SND1: variants seen among roughly 807,000 people sequenced by gnomAD.
SND1 encodes the protein staphylococcal nuclease domain-containing protein 1.
A neutral mutation model predicts 121.7 loss-of-function variants in SND1; 38 were observed. That is an observed-to-expected ratio of 0.31 (90% confidence interval 0.24 to 0.41). SND1 has a LOEUF of 0.41. SND1 is among the 10% of genes least tolerant of loss of function. SND1 has a pLI of 1.00. For missense variants in SND1, 868 were observed against 1,184.6 expected (o/e 0.73, Z 3.92); for synonymous variants, 401 against 447.4 (o/e 0.90, Z 1.31).
rs536802846 is a variant in SND1, at chr7:127,732,992, T to C, written c.1152+11592T>C. ...GAGACTGTAAGATTTACTTCCTTGA[T>C]GCCTATGGAAGGAATCAGGCTTTAG... On this transcript the variant is annotated intron_variant, in intron 10 of 23. Coordinates refer to ENST00000354725, the MANE Select transcript of SND1 (RefSeq NM_014390.4). 6.3e-4 allele frequency among the ~76,000 whole-genome samples: 96 copies of C among 152,334 alleles called. 1 individual carries two copies. Among genetic ancestry groups the C allele is most frequent in the African/African-American group, 2.2e-3 (90 of 41,580 alleles).
At chr7:127,801,732 C>A (rs1197913628) in intron 10 of SND1, among the ~76,000 whole-genome samples, 1 of 152,216 alleles carries the variant, frequency 6.6e-6, no homozygotes, top group African/African-American at 2.4e-5. Context: ...CCACCATAGT[C>A]TCTTCGTACT....
chr7:127,893,922 C>T (rs1025861693), intron 13 of SND1, among the ~76,000 whole-genome samples: 8 of 152,068 alleles, frequency 5.3e-5, no homozygotes, highest in African/African-American at 1.9e-4. Flanking sequence ...TGTTCTACAT[C>T]TCCAATCTCC....
At chr7:127,735,437 G>A (rs183456980) in intron 10 of SND1, among the ~76,000 whole-genome samples, 168 of 152,248 alleles carry the variant, frequency 1.1e-3, no homozygotes, top group African/African-American at 3.6e-3. Flanking sequence ...CTAGGGCTGG[G>A]CATGGTGGCT....
At chr7:128,060,181 A>C (rs1325224627) in intron 16 of SND1, among the ~76,000 whole-genome samples, 1 of 152,146 alleles carries the variant, frequency 6.6e-6, no homozygotes, top group Non-Finnish European at 1.5e-5. Context: ...TGGTTGATGA[A>C]CAGATCTCCT....
chr7:127,662,954 A>C (rs1474930055), intron 1 of SND1, among the ~76,000 whole-genome samples: 1 of 149,998 alleles, frequency 6.7e-6, no homozygotes, highest in East Asian at 2.0e-4. Context: ...ACAGTGGCAC[A>C]ATCATGGCTT....
chr7:127,850,212 A>C (rs934650753), intron 12 of SND1, among the ~76,000 whole-genome samples: 1 of 152,188 alleles, frequency 6.6e-6, no homozygotes, highest in Admixed American at 6.5e-5. Flanking sequence ...TCACAGTAGG[A>C]ATAAGTGTCA....
At chr7:128,033,665 C>T (rs1026488877) in intron 16 of SND1, among the ~76,000 whole-genome samples, 7 of 152,178 alleles carry the variant, frequency 4.6e-5, no homozygotes, top group Non-Finnish European at 7.3e-5. Context: ...TTTCTGTTAT[C>T]ATTTGCTGTC....
At chr7:127,861,750 C>A (rs1371925023) in intron 12 of SND1, among the ~76,000 whole-genome samples, 1 of 152,166 alleles carries the variant, frequency 6.6e-6, no homozygotes, top group Non-Finnish European at 1.5e-5. Flanking sequence ...GGATTACAGG[C>A]GTGAGCCACC....
intron 10 of SND1, among the ~76,000 whole-genome samples, chr7:127,776,579 T>A (rs559889799): frequency 2.6e-5 from 4 of 152,188 alleles, no homozygotes; most frequent in Non-Finnish European, 5.9e-5. Flanking sequence ...AATAAAATAG[T>A]TCCTCTTATT....
At chr7:128,073,107 A>G (rs553877586) in intron 16 of SND1, among the ~76,000 whole-genome samples, 1 of 152,270 alleles carries the variant, frequency 6.6e-6, no homozygotes, top group African/African-American at 2.4e-5. Context: ...GGCTGTGGAA[A>G]GGGGGTATTA....
chr7:128,043,652 A>G (rs1223149898), intron 16 of SND1, among the ~76,000 whole-genome samples: 3 of 151,272 alleles, frequency 2.0e-5, no homozygotes, highest in Admixed American at 6.6e-5. Flanking sequence ...CTGGTCTCCT[A>G]TCAGGCAGGA....
chr7:127,814,633 G>A (rs770059949), intron 11 of SND1, among the ~76,000 whole-genome samples: 1 of 151,774 alleles, frequency 6.6e-6, no homozygotes, highest in Non-Finnish European at 1.5e-5. Flanking sequence ...TGAGAAAAAC[G>A]TTTTCTTGTG....
chr7:127,757,461 A>G (rs1797218259), intron 10 of SND1, among the ~76,000 whole-genome samples: 1 of 152,214 alleles, frequency 6.6e-6, no homozygotes, highest in Non-Finnish European at 1.5e-5. Context: ...TGGGTCATCC[A>G]GTAGATGAAT....
intron 1 of SND1, among the ~76,000 whole-genome samples, chr7:127,663,012 C>T (rs577818249): frequency 2.0e-4 from 30 of 151,746 alleles, no homozygotes; most frequent in Admixed American, 3.3e-4. Context: ...CACCTCAGCC[C>T]GCTGAGTAGC....
intron 16 of SND1, among the ~76,000 whole-genome samples, chr7:128,019,944 C>T (rs752442684): frequency 4.6e-5 from 7 of 152,124 alleles, no homozygotes; most frequent in Non-Finnish European, 8.8e-5. Flanking sequence ...GGAGGTAGAG[C>T]GGGACTCCAG....
intron 15 of SND1, among the ~76,000 whole-genome samples, chr7:127,972,157 G>T (rs2116887520): frequency 6.6e-6 from 1 of 152,256 alleles, no homozygotes; most frequent in East Asian, 1.9e-4. Flanking sequence ...CACTCCACAG[G>T]ACCCTCCTGG....
chr7:127,933,225 CTTAGACACAAGCAGTCTGA>C (rs1473752137), intron 15 of SND1, among the ~76,000 whole-genome samples: 3 of 152,152 alleles, frequency 2.0e-5, no homozygotes, highest in African/African-American at 4.8e-5. Context: ...TTTTACGTTG[CTTAGACACAAGCAGTCTGA>C]TCACTCGACT....
chr7:127,932,286 A>G (rs1399576570), intron 15 of SND1, among the ~76,000 whole-genome samples: 3 of 152,262 alleles, frequency 2.0e-5, no homozygotes, highest in Admixed American at 2.0e-4. Context: ...AGAGTTCAAG[A>G]CTTCAATGGA....
intron 15 of SND1, among the ~76,000 whole-genome samples, chr7:127,951,617 T>C (rs1801464807): frequency 6.6e-6 from 1 of 152,214 alleles, no homozygotes; most frequent in Admixed American, 6.5e-5. Context: ...TTCTGCTTCT[T>C]AAAAGTAATT....
Sources: allele counts gnomAD v4.1 joint callset (sites outside exome capture counted in the v4.1 genomes callset), GRCh38; gene constraint gnomAD v4.1.1; transcripts MANE v1.5; gene names NCBI Gene and HGNC (gene_info 2026-07-23, HGNC 2026-07-21).